Variants in TRMT11 observed in about 807,000 individuals in gnomAD.
TRMT11 encodes the protein tRNA methyltransferase 11, also known as tRNA (guanine(10)-N(2))-methyltransferase TRMT11.
Under a neutral mutation model 62.8 loss-of-function variants are expected in TRMT11, and 53 were observed. The ratio of observed to expected loss-of-function variants is 0.84; its 90% confidence interval spans 0.68 to 1.06. The LOEUF is 1.06. Among genes scored for constraint, TRMT11 ranks in the 50% least tolerant of loss-of-function variants. The pLI is 0.00. For synonymous variants in TRMT11, 188 were observed against 190.3 expected (o/e 0.99, Z 0.10); for missense variants, 556 against 553.4 (o/e 1.00, Z -0.05).
intron 21 of TRMT11, among the ~76,000 whole-genome samples, chr6:126,145,364 A>C (rs149324239): frequency 3.0e-4 from 46 of 152,338 alleles, no homozygotes; most frequent in African/African-American, 9.9e-4. Context: ...AATGGTAGAA[A>C]ATAAGATGCA....
intron 2 of TRMT11, among the ~76,000 whole-genome samples, chr6:125,995,644 T>C (rs999110736): frequency 2.0e-5 from 3 of 152,178 alleles, no homozygotes; most frequent in African/African-American, 7.2e-5. Flanking sequence ...TAAGGGATGA[T>C]TAGCCATGAT....
chr6:126,234,723 A>G, the TRMT11 span, among the ~76,000 whole-genome samples: 1 of 152,196 alleles, frequency 6.6e-6, no homozygotes, highest in Non-Finnish European at 1.5e-5. Context: ...TTTCAGTTGT[A>G]TTAGTAGCAC....
chr6:126,075,126 A>G (rs1317090662), intron 17 of TRMT11, among the ~76,000 whole-genome samples: 1 of 152,192 alleles, frequency 6.6e-6, no homozygotes, highest in Non-Finnish European at 1.5e-5. Context: ...AGAAAAACAC[A>G]TATTGTCTGC....
At chr6:126,000,857 A>G (rs1325827353) in intron 7 of TRMT11, among the ~76,000 whole-genome samples, 1 of 151,104 alleles carries the variant, frequency 6.6e-6, no homozygotes, top group African/African-American at 2.4e-5. Flanking sequence ...TCATTATCCT[A>G]AGTAACTCAC....
chr6:126,109,761 G>T (rs1157148862), intron 17 of TRMT11, among the ~76,000 whole-genome samples: 1 of 152,166 alleles, frequency 6.6e-6, no homozygotes, highest in African/African-American at 2.4e-5. Flanking sequence ...CCACATAGGT[G>T]GCATTGAACA....
At chr6:126,014,949 G>T (rs867998677) in intron 11 of TRMT11, among the ~76,000 whole-genome samples, 1 of 151,950 alleles carries the variant, frequency 6.6e-6, no homozygotes, top group African/African-American at 2.4e-5. Context: ...GAAATGATAG[G>T]TGAGGTTTTA....
intron 1 of TRMT11, among the ~76,000 whole-genome samples, chr6:126,197,298 C>T (rs965588969): frequency 1.3e-5 from 2 of 152,042 alleles, no homozygotes; most frequent in African/African-American, 2.4e-5. Flanking sequence ...CCTTTTGCTT[C>T]GTCTTTTAGG....
chr6:126,180,587 A>C (rs773021154), intron 1 of TRMT11, among the ~76,000 whole-genome samples: 2 of 152,214 alleles, frequency 1.3e-5, no homozygotes, highest in Admixed American at 6.5e-5. Flanking sequence ...TAAAGAAGGT[A>C]GTAAGTTTAG....
intron 21 of TRMT11, among the ~76,000 whole-genome samples, chr6:126,136,304 A>G (rs1244147152): frequency 6.6e-6 from 1 of 151,786 alleles, no homozygotes; most frequent in African/African-American, 2.4e-5. Flanking sequence ...AGATACAAAT[A>G]ACATCTTAGT....
At chr6:126,242,950 A>G in the TRMT11 span, among the ~76,000 whole-genome samples, 1 of 152,206 alleles carries the variant, frequency 6.6e-6, no homozygotes, top group Non-Finnish European at 1.5e-5. Flanking sequence ...TAACTAAACT[A>G]AAGAGCTTCT....
chr6:126,118,023 C>T (rs1777610164), intron 21 of TRMT11, among the ~76,000 whole-genome samples: 1 of 152,098 alleles, frequency 6.6e-6, no homozygotes, highest in African/African-American at 2.4e-5. Context: ...GTTTTATTCT[C>T]AGAGGATTTG....
intron 8 of TRMT11, among the ~76,000 whole-genome samples, chr6:126,010,280 G>T (rs62426450): frequency 1.3e-5 from 2 of 152,012 alleles, no homozygotes; most frequent in South Asian, 4.1e-4. Context: ...CTTGACAGTG[G>T]TCTTGGCAGG....
At chr6:126,269,439 C>A in the TRMT11 span, among the ~76,000 whole-genome samples, 1 of 151,788 alleles carries the variant, frequency 6.6e-6, no homozygotes, top group Non-Finnish European at 1.5e-5. Flanking sequence ...CAAAGAGATA[C>A]CAGTCAAGTG....
intron 1 of TRMT11, among the ~76,000 whole-genome samples, chr6:125,987,406 A>G (rs1450945592): frequency 6.6e-6 from 1 of 152,216 alleles, no homozygotes; most frequent in Non-Finnish European, 1.5e-5. Context: ...ATCACTAGTT[A>G]TGTGGCAGAG....
downstream of TRMT11, among the ~76,000 whole-genome samples, chr6:126,040,501 A>G (rs1775844018): frequency 6.6e-6 from 1 of 152,104 alleles, no homozygotes; most frequent in Non-Finnish European, 1.5e-5. Flanking sequence ...TCTTATTTTA[A>G]CGAGAGAGTT....
chr6:126,221,523 C>CT, the TRMT11 span, among the ~76,000 whole-genome samples: 1 of 152,062 alleles, frequency 6.6e-6, no homozygotes, highest in Non-Finnish European at 1.5e-5. Context: ...CATTGAGCAT[C>CT]TTTTTGTATG....
At chr6:126,269,033 G>C in the TRMT11 span, among the ~76,000 whole-genome samples, 4 of 151,376 alleles carry the variant, frequency 2.6e-5, no homozygotes, top group African/African-American at 9.7e-5. Context: ...AGGCCGAGGC[G>C]GGCGGATCAC....
chr6:126,240,544 G>A, the TRMT11 span, among the ~76,000 whole-genome samples: 4 of 152,196 alleles, frequency 2.6e-5, no homozygotes, highest in Admixed American at 1.3e-4. Context: ...AACATCTAAT[G>A]TTGCTGCCTG....
At position 126,050,223 on chromosome 6, in the gene TRMT11, G is replaced by T. The variant is rs191787598; in HGVS notation, c.*1370-2900G>T. ...CACACACCTGTAATCCCAGCTGCTT[G>T]GGAGGCTGAGGCAGGAGAATCGCTT... On this transcript the variant is annotated intron_variant and NMD_transcript_variant, in intron 16 of 22. Coordinates refer to the TRMT11 transcript ENST00000648977. Among the ~76,000 whole-genome samples, 131 of 151,904 alleles carry T rather than the reference G, an allele frequency of 8.6e-4. No homozygotes were observed. The Middle Eastern group carries it at 0.014, about 16-fold the overall frequency.
Sources: gnomAD v4.1 joint callset for allele counts (sites outside exome capture counted in the v4.1 genomes callset) on GRCh38, gnomAD v4.1.1 for gene constraint, MANE v1.5 for transcripts, NCBI Gene and HGNC (gene_info 2026-07-23, HGNC 2026-07-21) for gene names.